Variants in ZNF536 observed in about 807,000 individuals in gnomAD.
The protein encoded by ZNF536 is zinc finger protein 536.
Under a neutral mutation model 84.5 loss-of-function variants are expected in ZNF536, and 13 were observed. The ratio of observed to expected loss-of-function variants is 0.15; its 90% CI spans 0.10 to 0.24. The LOEUF (loss-of-function observed/expected upper bound fraction) is 0.24, where lower values mean the gene tolerates loss of function less well. ZNF536 is among the 10% of genes least tolerant of loss of function. ZNF536 has a pLI of 1.00. For synonymous variants in ZNF536, 811 were observed against 742.5 expected, an observed-to-expected ratio of 1.09 and a Z score of -1.50; for missense variants, 1,536 against 1,747.5, an observed-to-expected ratio of 0.88 and a Z score of 2.16.
chr19:30,557,134 T>A, intron 4 of ZNF536, 23 bp from the exon 5 acceptor site: 2 of 1,613,632 alleles, frequency 1.2e-6, no homozygotes, highest in Non-Finnish European at 1.7e-6. Context: ...GATTATTTAA[T>A]AAATCTGCAC....
At chr19:30,297,074 T>C (rs1171376684) in intron 2 of ZNF536, among the ~76,000 whole-genome samples, 1 of 152,220 alleles carries the variant, frequency 6.6e-6, no homozygotes, top group Non-Finnish European at 1.5e-5. Flanking sequence ...ACGGTGCTGC[T>C]TCCCCTGTAC....
intron 1 of ZNF536, among the ~76,000 whole-genome samples, chr19:30,675,711 A>G (rs1251463156): frequency 1.3e-5 from 2 of 152,198 alleles, no homozygotes; most frequent in Non-Finnish European, 2.9e-5. Flanking sequence ...GCGCCCAGAA[A>G]AAAGAGGAGA....
intron 1 of ZNF536, among the ~76,000 whole-genome samples, chr19:30,255,734 A>G (rs1599908643): frequency 6.6e-6 from 1 of 152,138 alleles, no homozygotes; most frequent in African/African-American, 2.4e-5. Context: ...TTTTCTTCTC[A>G]TTACTTTTGA....
intron 1 of ZNF536, among the ~76,000 whole-genome samples, chr19:30,680,910 A>G (rs1158445148): frequency 6.6e-6 from 1 of 152,046 alleles, no homozygotes; most frequent in Non-Finnish European, 1.5e-5. Context: ...CCTCTCCAGC[A>G]CCTGTTGTTT....
intron 2 of ZNF536, among the ~76,000 whole-genome samples, chr19:30,524,200 G>C (rs1216578642): frequency 6.6e-6 from 1 of 152,196 alleles, no homozygotes; most frequent in Non-Finnish European, 1.5e-5. Context: ...CGTACAGCCT[G>C]GGAGAGGTAA....
chr19:30,587,792 G>A (rs2047145565), intron 1 of ZNF536, among the ~76,000 whole-genome samples: 1 of 152,252 alleles, frequency 6.6e-6, no homozygotes, highest in Non-Finnish European at 1.5e-5. Flanking sequence ...AGAGACGAGG[G>A]AGAAGCCCGG....
At chr19:30,686,601 C>G (rs1016763738) in intron 1 of ZNF536, among the ~76,000 whole-genome samples, 1 of 152,202 alleles carries the variant, frequency 6.6e-6, no homozygotes, top group Non-Finnish European at 1.5e-5. Flanking sequence ...CCCTCTTAGT[C>G]CCTTACCAAG....
intron 1 of ZNF536, among the ~76,000 whole-genome samples, chr19:30,577,940 C>T (rs149574380): frequency 0.011 from 1,664 of 152,224 alleles, 34 homozygotes; most frequent in South Asian, 0.05. Context: ...AAGAGAGTTT[C>T]GCAGGCAATG....
chr19:30,366,860 A>G (rs569225269), intron 3 of ZNF536, among the ~76,000 whole-genome samples: 1 of 152,306 alleles, frequency 6.6e-6, no homozygotes, highest in African/African-American at 2.4e-5. Context: ...TGCCACACCA[A>G]GTGTTCAAAC....
intron 2 of ZNF536, among the ~76,000 whole-genome samples, chr19:30,501,165 A>T (rs1475409344): frequency 6.6e-6 from 1 of 152,180 alleles, no homozygotes; most frequent in African/African-American, 2.4e-5. Context: ...AATAAGAAGG[A>T]CCACCACTGC....
chr19:30,356,767 T>C (rs967948755), intron 3 of ZNF536, among the ~76,000 whole-genome samples: 9 of 152,232 alleles, frequency 5.9e-5, no homozygotes, highest in African/African-American at 2.2e-4. Context: ...TTTCTTGATA[T>C]CATCTCAATT....
intron 3 of ZNF536, among the ~76,000 whole-genome samples, chr19:30,538,339 T>G (rs1051127785): frequency 6.6e-6 from 1 of 152,210 alleles, no homozygotes; most frequent in Non-Finnish European, 1.5e-5. Context: ...ATAAATATAT[T>G]TTTAATTGGG....
chr19:30,324,406 A>G (rs536879287), intron 2 of ZNF536, among the ~76,000 whole-genome samples: 52 of 152,164 alleles, frequency 3.4e-4, no homozygotes, highest in Non-Finnish European at 6.9e-4. Flanking sequence ...TATTTCAGGT[A>G]GGATCTCGCT....
At chr19:30,315,719 C>G (rs930359234) in intron 2 of ZNF536, among the ~76,000 whole-genome samples, 1 of 152,168 alleles carries the variant, frequency 6.6e-6, no homozygotes, top group African/African-American at 2.4e-5. Flanking sequence ...CTTCTCCCAT[C>G]GATGGAGAAA....
intron 1 of ZNF536, among the ~76,000 whole-genome samples, chr19:30,634,713 G>A (rs565227106): frequency 2.6e-5 from 4 of 152,148 alleles, no homozygotes; most frequent in Admixed American, 2.0e-4. Flanking sequence ...GGCCAGGACT[G>A]AAGTCTGGCC....
chr19:30,503,967 T>C (rs994651359), intron 2 of ZNF536, among the ~76,000 whole-genome samples: 1 of 152,054 alleles, frequency 6.6e-6, no homozygotes, highest in African/African-American at 2.4e-5. Flanking sequence ...AAAAAGTCTA[T>C]ATTTTTATTT....
chr19:30,271,043 T>C (rs963877648), intron 1 of ZNF536, among the ~76,000 whole-genome samples: 1 of 152,200 alleles, frequency 6.6e-6, no homozygotes, highest in African/African-American at 2.4e-5. Context: ...TAGAAAATCT[T>C]TTCCAAAATG....
rs141927022 is a variant in ZNF536 at position 30,629,393 on chromosome 19, G to A, written c.169+79879G>A. On this transcript the variant is annotated intron_variant, in intron 1 of 1. Transcript: ENST00000592773. ...TTTGTATTTTTGTAGACAGGGTTTT[G>A]CCATGTTGCCCAAGCTGGTCTCAAA... Among the ~76,000 whole-genome samples, 1,120 of 152,026 alleles carry A rather than the reference G, an allele frequency of 7.4e-3. 13 individuals carry two copies. Among genetic ancestry groups the A allele is most frequent in the Non-Finnish European group, 8.7e-3 (593 of 67,960 alleles).
chr19:30,462,031 T>A (rs1371403393), intron 2 of ZNF536, among the ~76,000 whole-genome samples: 1 of 151,792 alleles, frequency 6.6e-6, no homozygotes, highest in Non-Finnish European at 1.5e-5. Flanking sequence ...GGGCAGTCCA[T>A]GGGGTTGTAA....
Sources: allele counts gnomAD v4.1 joint callset (sites outside exome capture counted in the v4.1 genomes callset), GRCh38; gene constraint gnomAD v4.1.1; transcripts MANE v1.5; gene names NCBI Gene and HGNC (gene_info 2026-07-23, HGNC 2026-07-21).